Variants in RUNDC3B observed in about 807,000 individuals in gnomAD.
RUNDC3B encodes the protein RUN domain containing 3B.
A neutral mutation model predicts 58.4 loss-of-function variants in RUNDC3B; 33 were observed. The observed-to-expected ratio is 0.56, with a 90% CI of 0.43 to 0.75. The LOEUF is 0.75. RUNDC3B is among the 30% of genes least tolerant of loss of function. The pLI is 0.00. For missense variants in RUNDC3B, 501 were observed against 535.7 expected (o/e 0.94, Z 0.64); for synonymous variants, 193 against 195.2 (o/e 0.99, Z 0.10).
chr7:87,682,352 G>A (rs187642353), intron 2 of RUNDC3B, among the ~76,000 whole-genome samples: 8 of 152,230 alleles, frequency 5.3e-5, no homozygotes, highest in Non-Finnish European at 8.8e-5. Context: ...CATAAATCTC[G>A]AATGTTCTTG....
At chr7:87,717,371 C>T (rs182710885) in intron 4 of RUNDC3B, among the ~76,000 whole-genome samples, 24 of 151,898 alleles carry the variant, frequency 1.6e-4, no homozygotes, top group Admixed American at 2.6e-4. Context: ...AAAAAATAAA[C>T]AATATTTGCT....
At chr7:87,804,210 G>A (rs1836318186) in intron 8 of RUNDC3B, among the ~76,000 whole-genome samples, 1 of 152,006 alleles carries the variant, frequency 6.6e-6, no homozygotes, top group Non-Finnish European at 1.5e-5. Context: ...ATAATAATAG[G>A]GATATAGTTA....
intron 8 of RUNDC3B, among the ~76,000 whole-genome samples, chr7:87,781,478 C>A (rs990736204): frequency 6.6e-6 from 1 of 151,914 alleles, no homozygotes; most frequent in Non-Finnish European, 1.5e-5. Flanking sequence ...CTTTTTATTT[C>A]TTTCTTTTTC....
At chr7:87,751,929 G>C (rs1438541629) in intron 6 of RUNDC3B, among the ~76,000 whole-genome samples, 1 of 152,158 alleles carries the variant, frequency 6.6e-6, no homozygotes, top group Non-Finnish European at 1.5e-5. Flanking sequence ...GGAGTGGTGA[G>C]AGAGGGCATC....
At chr7:87,826,871 T>A (rs1372941766) in intron 10 of RUNDC3B, among the ~76,000 whole-genome samples, 1 of 151,964 alleles carries the variant, frequency 6.6e-6, no homozygotes, top group African/African-American at 2.4e-5. Flanking sequence ...TGAAACAAAC[T>A]AGAAAGGGAG....
intron 2 of RUNDC3B, among the ~76,000 whole-genome samples, chr7:87,658,795 C>A (rs1824397773): frequency 6.6e-6 from 1 of 152,140 alleles, no homozygotes; most frequent in Non-Finnish European, 1.5e-5. Context: ...ACATTAAGAC[C>A]TTCTCACAGG....
At chr7:87,710,523 T>C in intron 3 of RUNDC3B, 47 bp from the exon 4 acceptor site, 1 of 1,198,620 alleles carries the variant, frequency 8.3e-7, no homozygotes, top group Non-Finnish European at 1.2e-6. Context: ...AGTGGCAAAA[T>C]ATTTTTTTAA....
At chr7:87,751,578 C>T (rs1178998864) in intron 6 of RUNDC3B, among the ~76,000 whole-genome samples, 1 of 152,066 alleles carries the variant, frequency 6.6e-6, no homozygotes, top group Non-Finnish European at 1.5e-5. Context: ...TGTAGTTCTC[C>T]TTGAAGAGGT....
At chr7:87,730,803 A>G (rs1246192326) in intron 4 of RUNDC3B, among the ~76,000 whole-genome samples, 1 of 152,026 alleles carries the variant, frequency 6.6e-6, no homozygotes. Context: ...CACAGTCCCA[A>G]TACTGGTGCT....
At chr7:87,809,672 T>C (rs933548058) in intron 9 of RUNDC3B, among the ~76,000 whole-genome samples, 2 of 152,200 alleles carry the variant, frequency 1.3e-5, no homozygotes, top group African/African-American at 2.4e-5. Context: ...TTCTAAACTT[T>C]CTGAACCTTA....
At chr7:87,697,784 T>C (rs965948794) in intron 2 of RUNDC3B, among the ~76,000 whole-genome samples, 1 of 152,190 alleles carries the variant, frequency 6.6e-6, no homozygotes, top group African/African-American at 2.4e-5. Context: ...TTATTTTCAA[T>C]TTACAGAAGA....
intron 4 of RUNDC3B, among the ~76,000 whole-genome samples, chr7:87,716,598 C>T (rs1830568217): frequency 6.6e-6 from 1 of 152,144 alleles, no homozygotes; most frequent in African/African-American, 2.4e-5. Context: ...TAGTGAAGTT[C>T]TTTGCCCTCC....
Position 87,628,595 on chromosome 7 carries a change from GTGTGTGTGT to G in RUNDC3B, c.-228_-220del. The G allele has an allele frequency of 4.8e-6, 1 of 210,224 alleles. No individual in the cohort carries two copies. Among genetic ancestry groups the G allele is most frequent in the Non-Finnish European group, 9.0e-6 (1 of 111,096 alleles). 13.0% of individuals were successfully genotyped at this position (210,224 alleles called of 1,614,324 possible). ...GTGGTGCGTGCGTGCGTGTGTGTGT[GTGTGTGTGT>G]GTGTGTGTGTGTGTGTGTGTGGAGC... is the stretch of plus-strand genomic sequence containing the variant. On this transcript the variant is annotated 5_prime_UTR_variant, in exon 1 of 11. Transcript: ENST00000394654.
intron 1 of RUNDC3B, among the ~76,000 whole-genome samples, chr7:87,631,460 G>C (rs1372351729): frequency 1.3e-5 from 2 of 152,024 alleles, no homozygotes; most frequent in Non-Finnish European, 2.9e-5. Context: ...GCGCGATCTC[G>C]GCTCACTGCA....
At chr7:87,654,046 AT>A (rs1371992718) in intron 2 of RUNDC3B, among the ~76,000 whole-genome samples, 2 of 151,850 alleles carry the variant, frequency 1.3e-5, no homozygotes, top group Non-Finnish European at 2.9e-5. Context: ...TAAATGCAGT[AT>A]TTTTTTTCTT....
chr7:87,702,142 CAAAAAAAAAAAAAAAA>C lies in RUNDC3B; in HGVS notation c.372+1603_372+1618del, dbSNP rs146127516. ...TGGGCAAAAGAGCGAGACTCTGTCT[CAAAAAAAAAAAAAAAA>C]AAAAAAAAAAAAAACAGAGATACTT... is the stretch of plus-strand genomic sequence containing the variant. On this transcript the variant is annotated intron_variant, in intron 3 of 10. Transcript: ENST00000394654. Among the ~76,000 whole-genome samples, 40 of 16,776 alleles carry C rather than the reference CAAAAAAAAAAAAAAAA, an allele frequency of 2.4e-3. 2 individuals carry two copies. In the East Asian group the frequency reaches 0.11, roughly 44 times the overall value. 11.0% of individuals were successfully genotyped at this position (16,776 alleles called of 152,430 possible). A position where few individuals can be genotyped will look rare whatever the true frequency, so the allele number is the denominator to read the frequency against.
At chr7:87,677,335 T>TAA (rs57714170) in intron 2 of RUNDC3B, among the ~76,000 whole-genome samples, 5 of 125,238 alleles carry the variant, frequency 4.0e-5, no homozygotes, top group African/African-American at 1.5e-4. Flanking sequence ...ATTTCAGATT[T>TAA]AAAAAAAAAA....
intron 6 of RUNDC3B, among the ~76,000 whole-genome samples, chr7:87,765,330 TC>T (rs879402496): frequency 6.6e-6 from 1 of 152,006 alleles, no homozygotes; most frequent in Non-Finnish European, 1.5e-5. Context: ...ATTTCTGTCT[TC>T]TGCTACTTTT....
At chr7:87,640,326 T>G (rs1822301301) in intron 1 of RUNDC3B, among the ~76,000 whole-genome samples, 3 of 151,788 alleles carry the variant, frequency 2.0e-5, no homozygotes, top group Non-Finnish European at 2.9e-5. Flanking sequence ...TTTGGAAAAA[T>G]TTTGGTTATT....
Sources: allele counts gnomAD v4.1 joint callset (sites outside exome capture counted in the v4.1 genomes callset), GRCh38; gene constraint gnomAD v4.1.1; transcripts MANE v1.5; gene names NCBI Gene and HGNC (gene_info 2026-07-23, HGNC 2026-07-21).